TECPR1: variants seen among roughly 807,000 people sequenced by gnomAD.
TECPR1 encodes the protein tectonin beta-propeller repeat containing 1, also known as tectonin beta-propeller repeat-containing protein 1.
In TECPR1, 122 loss-of-function variants were observed where a neutral mutation model predicts 162.4. That is an observed-to-expected ratio of 0.75 (90% CI 0.65 to 0.87). TECPR1 has a LOEUF of 0.87. TECPR1 is among the 40% of genes least tolerant of loss of function. The pLI, the probability that TECPR1 is intolerant of heterozygous loss-of-function variation, is 0.00. For missense variants in TECPR1, 1,432 were observed against 1,618.2 expected, an observed-to-expected ratio of 0.88 and a Z score of 1.97; for synonymous variants, 642 against 670.6, an observed-to-expected ratio of 0.96 and a Z score of 0.66.
In TECPR1 at chr7:98,224,825, C is replaced by T; in HGVS notation, c.2666G>A (p.Trp889Ter). 1.9e-6 allele frequency: 3 copies of T among 1,581,732 alleles called. No individual in the cohort carries two copies. Among genetic ancestry groups the T allele is most frequent in the Non-Finnish European group, 2.6e-6 (3 of 1,164,716 alleles). The change falls in exon 19 of 26, where the codon TGG becomes TAG. Residue 889 changes from tryptophan to a stop codon, truncating the protein, a stop_gained. Transcript: ENST00000447648. LOFTEE classifies it high-confidence loss of function. ...SVPGGTDQEG[W>*]QYASDFPASY... is the part of the protein sequence containing the mutation. ...CGCAGGGAAGTCGCTGGCATACTGC[C>T]ACCCCTCCTGGTCCGTGCCCCCCGG...
Position 98,223,097 on chromosome 7 carries a change from G to A in TECPR1, c.2821C>T (p.Pro941Ser). 1.2e-6 allele frequency: 2 copies of A among 1,603,718 alleles called. No individual in the cohort carries two copies. Among genetic ancestry groups the A allele is most frequent in the Non-Finnish European group, 1.7e-6 (2 of 1,175,818 alleles). The change falls in exon 21 of 26, where the codon CCG becomes TCG. Residue 941 changes from proline to serine, a missense_variant. By Grantham distance (74) the Pro-to-Ser change is moderately conservative. Transcript: ENST00000447648. Reference protein sequence around the residue: ...PIALRDVSIIPESPGAEGSGH... With the variant: ...PIALRDVSIISESPGAEGSGH... The stretch of plus-strand genomic sequence containing the variant: ...CTCCCCTCGGCACCCGGGCTCTCCG[G>A]GATGATGGACACGTCCCTGAGGGCG...
rs1798746569 is a variant in TECPR1 at position 98,241,415 on chromosome 7, G to A, written c.658-171C>T. 1.3e-6 allele frequency: 1 copy of A among 752,058 alleles called. No homozygotes were observed. Among genetic ancestry groups the A allele is most frequent in the African/African-American group, 1.8e-5 (1 of 56,658 alleles). The allele number at this position is 752,058 out of a possible 1,614,324, so 46.6% of individuals were successfully genotyped here. A position where few individuals can be genotyped will look rare whatever the true frequency, so the allele number is the denominator to read the frequency against. ...AAACCCTGGATTCCGGTGGTCCTGA[G>A]GGATACACTTGTTCCATTCATCTGT... is the stretch of plus-strand genomic sequence containing the variant. On this transcript the variant is annotated intron_variant, in intron 6 of 25. Transcript: ENST00000447648. This position sits in a 1 kb window ranked among gnomAD's most constrained non-coding sequence, Gnocchi z 5.0.
intron 8 of TECPR1, among the ~76,000 whole-genome samples, chr7:98,239,108 CCA>C (rs758336475): frequency 3.9e-5 from 6 of 152,204 alleles, no homozygotes; most frequent in Non-Finnish European, 7.3e-5. Flanking sequence ...CTAGATTTTC[CCA>C]GACTGTCTGT....
Position 98,226,493 on chromosome 7 carries a change from C to T in TECPR1, c.2514-1391G>A, listed in dbSNP as rs532275248. ...ACCTCCCTGTGCCTGGCCTTGTCTGCCCCCAACACGGACACACAGTATGGC... is the reference window on the plus strand; with the variant it reads ...ACCTCCCTGTGCCTGGCCTTGTCTGTCCCCAACACGGACACACAGTATGGC... On this transcript the variant is annotated intron_variant, in intron 17 of 25. Transcript: ENST00000447648. 282 of 1,021,188 alleles carry T rather than the reference C, an allele frequency of 2.8e-4. 4 individuals carry two copies. The South Asian group carries it at 9.2e-3, about 33-fold the overall frequency. The allele number at this position is 1,021,188 out of a possible 1,614,324, so 63.3% of individuals were successfully genotyped here.
At chr7:98,222,859 A>C in intron 21 of TECPR1, 131 bp downstream of exon 21, 2 of 1,240,548 alleles carry the variant, frequency 1.6e-6, no homozygotes, top group Non-Finnish European at 2.3e-6. Flanking sequence ...GCCCCAGGGC[A>C]CAGGGACCCA....
chr7:98,220,344 C>T (rs1460610334), intron 23 of TECPR1, among the ~76,000 whole-genome samples: 1 of 151,670 alleles, frequency 6.6e-6, no homozygotes, highest in Non-Finnish European at 1.5e-5. Context: ...AATTCCGTCT[C>T]AAAAACAAAA....
In TECPR1 at chr7:98,231,970, C is replaced by T. The variant is rs777133757; in HGVS notation, c.1819-11G>A. On this transcript the variant is annotated splice_polypyrimidine_tract_variant and intron_variant, in intron 12 of 25. Transcript: ENST00000447648. ...CTTCACCCACACCGACTGCGCAGGCCGGGGCAGTGGACACCATCACAGGCA... is the reference window on the plus strand; with the variant it reads ...CTTCACCCACACCGACTGCGCAGGCTGGGGCAGTGGACACCATCACAGGCA... 49 of 1,595,418 alleles carry T rather than the reference C, an allele frequency of 3.1e-5. No individual in the cohort carries two copies. The highest frequency in any genetic ancestry group is 1.7e-4 in the Middle Eastern group (1 of 6,006).
chr7:98,237,611 G>A (rs1798635426), intron 9 of TECPR1, among the ~76,000 whole-genome samples: 1 of 152,250 alleles, frequency 6.6e-6, no homozygotes, highest in African/African-American at 2.4e-5. Context: ...TGGGATTACA[G>A]TCACGTGCTA....
At chr7:98,230,312 T>A (rs150937008) in intron 15 of TECPR1, among the ~76,000 whole-genome samples, 1 of 152,068 alleles carries the variant, frequency 6.6e-6, no homozygotes, top group Non-Finnish European at 1.5e-5. Context: ...AGCCCCACCT[T>A]GTGGCTCTCA....
chr7:98,225,216 C>T, intron 17 of TECPR1, 114 bp from the exon 18 acceptor site: 1 of 936,092 alleles, frequency 1.1e-6, no homozygotes, highest in South Asian at 1.5e-5. Context: ...CAGAGCCAGC[C>T]ACCTCCAGGC....
At chr7:98,245,891 G>A (rs1418608309) in intron 3 of TECPR1, 31 bp downstream of exon 3, 3 of 1,557,826 alleles carry the variant, frequency 1.9e-6, no homozygotes, top group South Asian at 1.2e-5. Flanking sequence ...GAACTGACCC[G>A]CTCGGCAACT....
rs763015915 is a variant in TECPR1 at position 98,221,695 on chromosome 7, C to G, written c.3123G>C (p.Ala1041=). Residue 1041 remains alanine, a synonymous_variant, in exon 23 of 26, where the codon GCG becomes GCC. Transcript: ENST00000447648. ...PPRQRLKQVS[A]GQTSVYALDE... ...CCAGGGCATACACCGACGTCTGCCC[C>G]GCGGACACCTGCTTCAGCCTCTGTC... 3 of 1,613,296 alleles carry G rather than the reference C, an allele frequency of 1.9e-6. No individual in the cohort carries two copies. Among genetic ancestry groups the G allele is most frequent in the East Asian group, 4.5e-5 (2 of 44,846 alleles).
chr7:98,231,278 C>T lies in TECPR1; in HGVS notation c.2070G>A (p.Arg690=), dbSNP rs924504141. The T allele has an allele frequency of 1.9e-6, 3 of 1,613,104 alleles. No homozygotes were observed. Among genetic ancestry groups the T allele is most frequent in the Non-Finnish European group, 2.5e-6 (3 of 1,179,684 alleles). Residue 690 remains arginine (R), a synonymous_variant, in exon 14 of 26, where the codon CGG becomes CGA. Coordinates refer to ENST00000447648, the MANE Select transcript of TECPR1 (RefSeq NM_015395.3). The part of the protein sequence containing the change: ...SFALYTPERT[R]QRWPVRLAAA... ...CAGCCAGACGCACCGGCCACCTCTG[C>T]CGTGTCCGCTCAGGGGTGTACAGGG...
At chr7:98,219,815 C>T (rs532386311) in intron 23 of TECPR1, among the ~76,000 whole-genome samples, 3 of 151,998 alleles carry the variant, frequency 2.0e-5, no homozygotes, top group African/African-American at 7.2e-5. Context: ...GTAGGAGAAT[C>T]GCTTGAACCT....
rs1325603731 is a variant in TECPR1 at position 98,215,841 on chromosome 7, TTTCCAGAAACACTG to T, written c.*1535_*1548del. Reference sequence around the variant, plus strand: ...TCACAGCCGGCGGCACTGGGACCCATTTCCAGAAACACTGGAACACCAGGTCTCTCAGATGCCCG... The same window carrying T: ...TCACAGCCGGCGGCACTGGGACCCATGAACACCAGGTCTCTCAGATGCCCG... On this transcript the variant is annotated 3_prime_UTR_variant, in exon 26 of 26. Transcript: ENST00000447648. The T allele has an allele frequency of 6.6e-6, 1 of 152,208 alleles. No individual in the cohort carries two copies. 9.4% of individuals were successfully genotyped at this position (152,208 alleles called of 1,614,324 possible).
intron 17 of TECPR1, among the ~76,000 whole-genome samples, chr7:98,225,588 T>C (rs113610231): frequency 0.013 from 1,921 of 152,060 alleles, 48 homozygotes; most frequent in African/African-American, 0.044. Context: ...CACAGACACA[T>C]GCATAGAGGG....
intron 19 of TECPR1, among the ~76,000 whole-genome samples, chr7:98,224,244 C>T (rs1798217634): frequency 6.6e-6 from 1 of 152,210 alleles, no homozygotes; most frequent in Non-Finnish European, 1.5e-5. Context: ...CTCCATCTTC[C>T]AACAGGCTGA....
intron 10 of TECPR1, among the ~76,000 whole-genome samples, chr7:98,235,296 C>A (rs760165266): frequency 6.6e-6 from 1 of 151,472 alleles, no homozygotes; most frequent in Non-Finnish European, 1.5e-5. Flanking sequence ...GAGGCCAAGG[C>A]GGGAGGATCA....
chr7:98,218,787 C>A (rs1798079031), intron 23 of TECPR1, among the ~76,000 whole-genome samples: 1 of 151,974 alleles, frequency 6.6e-6, no homozygotes, highest in South Asian at 2.1e-4. Context: ...GTGGAAGAAT[C>A]AATATCATGA....
Sources: allele counts gnomAD v4.1 joint callset (sites outside exome capture counted in the v4.1 genomes callset), GRCh38; gene constraint gnomAD v4.1.1; non-coding constraint Gnocchi (gnomAD v3.1); transcripts MANE v1.5; gene names NCBI Gene and HGNC (gene_info 2026-07-23, HGNC 2026-07-21).